ERI3: variants seen among roughly 807,000 people sequenced by gnomAD.
The protein encoded by ERI3 is ERI1 exoribonuclease 3.
Under a neutral mutation model 44.4 loss-of-function variants are expected in ERI3, and 18 were observed. The ratio of observed to expected loss-of-function variants is 0.41; its 90% CI spans 0.28 to 0.60. The LOEUF is 0.60. Ranked by LOEUF, ERI3 falls within the 20% of genes least tolerant of loss-of-function variation. The pLI, the probability that ERI3 is intolerant of heterozygous loss-of-function variation, is 0.36. For missense variants in ERI3, 294 were observed against 435.5 expected (o/e 0.68, Z 2.89); for synonymous variants, 183 against 164.8 (o/e 1.11, Z -0.84).
intron 6 of ERI3, among the ~76,000 whole-genome samples, chr1:44,287,414 G>A (rs1232390662): frequency 1.3e-5 from 2 of 152,226 alleles, no homozygotes; most frequent in Non-Finnish European, 2.9e-5. Flanking sequence ...TTGACAGATA[G>A]TAACAGAAAA....
intron 8 of ERI3, among the ~76,000 whole-genome samples, chr1:44,222,623 C>T (rs1471745279): frequency 6.6e-6 from 1 of 152,100 alleles, no homozygotes; most frequent in Non-Finnish European, 1.5e-5. Context: ...GGTGCACCTG[C>T]CCAGAGCTTA....
chr1:44,302,822 C>T (rs1286800626), intron 6 of ERI3, among the ~76,000 whole-genome samples: 3 of 152,190 alleles, frequency 2.0e-5, no homozygotes, highest in Admixed American at 6.5e-5. Context: ...ACAGGACTGT[C>T]GTTAAACACA....
At position 44,275,284 on chromosome 1, in the gene ERI3, A is replaced by C. The variant is rs367901911; in HGVS notation, c.831+9551T>G. Among the ~76,000 whole-genome samples, 13 of 152,194 alleles carry C rather than the reference A, an allele frequency of 8.5e-5. 1 individual carries two copies. The highest frequency in any genetic ancestry group is 2.9e-4 in the African/African-American group (12 of 41,522). ...TAGCAGCTTAATCCCCACAGCCCCC[A>C]AAAAGTGAACTGGCTAGCAGGGTTT... is the stretch of plus-strand genomic sequence containing the variant. On this transcript the variant is annotated intron_variant, in intron 7 of 8. Coordinates refer to ENST00000372257, the MANE Select transcript of ERI3 (RefSeq NM_024066.3).
chr1:44,329,951 C>A (rs1303666021), intron 3 of ERI3, among the ~76,000 whole-genome samples: 1 of 152,154 alleles, frequency 6.6e-6, no homozygotes, highest in Non-Finnish European at 1.5e-5. Context: ...CCTAGCACAC[C>A]TAAGGGTTAC....
At chr1:44,334,386 G>C (rs961251109) in intron 3 of ERI3, among the ~76,000 whole-genome samples, 2 of 152,062 alleles carry the variant, frequency 1.3e-5, no homozygotes, top group African/African-American at 4.8e-5. Context: ...ACCATCACTC[G>C]GTGCACATCC....
rs59509064 is a variant in ERI3, at chr1:44,241,805, CACATACATACATACAT to C, written c.931+6118_931+6133del. 127 of 175,434 alleles carry C rather than the reference CACATACATACATACAT, an allele frequency of 7.2e-4. No individual in the cohort carries two copies. The highest frequency in any genetic ancestry group is 3.0e-3 in the Middle Eastern group (1 of 336). The allele number at this position is 175,434 out of a possible 1,614,324, so 10.9% of individuals were successfully genotyped here. A position where few individuals can be genotyped will look rare whatever the true frequency, so the allele number is the denominator to read the frequency against. ...TTCCTAAAGAATCAAACACACATAA[CACATACATACATACAT>C]ACATACATACATACATACATACATA... On this transcript the variant is annotated intron_variant, in intron 8 of 8. Coordinates refer to ENST00000372257, the MANE Select transcript of ERI3 (RefSeq NM_024066.3). The surrounding 1 kb of genome is among the most constrained non-coding windows in gnomAD (Gnocchi z 5.6).
chr1:44,233,506 C>T (rs981275131), intron 8 of ERI3, among the ~76,000 whole-genome samples: 2 of 151,460 alleles, frequency 1.3e-5, no homozygotes, highest in Non-Finnish European at 2.9e-5. Flanking sequence ...CGGGTTCAAG[C>T]GATTCTCCTG....
At chr1:44,338,103 T>C (rs900274524) in intron 3 of ERI3, among the ~76,000 whole-genome samples, 1 of 152,230 alleles carries the variant, frequency 6.6e-6, no homozygotes. Context: ...TAAAAGGTCT[T>C]TGAACACAGC....
intron 3 of ERI3, among the ~76,000 whole-genome samples, chr1:44,337,488 G>C (rs1012226856): frequency 6.6e-6 from 1 of 152,214 alleles, no homozygotes; most frequent in Non-Finnish European, 1.5e-5. Context: ...CATGGAAGAA[G>C]ACTACAGTAT....
chr1:44,331,965 C>G (rs565523948), intron 3 of ERI3, among the ~76,000 whole-genome samples: 2 of 152,308 alleles, frequency 1.3e-5, no homozygotes, highest in South Asian at 4.1e-4. Flanking sequence ...TATCATACAG[C>G]CTAATGGTTG....
chr1:44,269,220 G>A (rs60413302), intron 7 of ERI3, among the ~76,000 whole-genome samples: 10,900 of 152,230 alleles, frequency 0.072, 1,307 homozygotes, highest in African/African-American at 0.25. Flanking sequence ...AAGAGGCCAA[G>A]AGACCACAAG....
chr1:44,318,024 C>G (rs148457395), intron 4 of ERI3, among the ~76,000 whole-genome samples: 17 of 152,316 alleles, frequency 1.1e-4, no homozygotes, highest in African/African-American at 4.1e-4. Context: ...ACTCCTACTC[C>G]CCTCCAAATT....
At chr1:44,343,528 A>C (rs1185018405) in intron 2 of ERI3, among the ~76,000 whole-genome samples, 1 of 152,218 alleles carries the variant, frequency 6.6e-6, no homozygotes, top group Non-Finnish European at 1.5e-5. Context: ...TAATTGAGAG[A>C]CAATCTAAAC....
In ERI3 at chr1:44,291,733, G is replaced by A. The variant is rs542201326; in HGVS notation, c.759-6826C>T. ...CAGACAGAGAGTCCCACACTGCTGCGCCTGAAACTGAGGATGCCATTGGCA... is the reference window on the plus strand; with the variant it reads ...CAGACAGAGAGTCCCACACTGCTGCACCTGAAACTGAGGATGCCATTGGCA... On this transcript the variant is annotated intron_variant, in intron 6 of 8. Transcript: ENST00000372257. 2.8e-4 allele frequency among the ~76,000 whole-genome samples: 43 copies of A among 152,318 alleles called. 1 individual carries two copies. The South Asian group carries it at 6.2e-3, about 22-fold the overall frequency.
At chr1:44,244,811 C>A (rs543706644) in intron 8 of ERI3, among the ~76,000 whole-genome samples, 32 of 152,228 alleles carry the variant, frequency 2.1e-4, no homozygotes, top group African/African-American at 7.5e-4. Flanking sequence ...AGCCCCTTCC[C>A]CACACCCGTC....
chr1:44,319,892 G>C (rs1205325264), intron 3 of ERI3, 148 bp from the exon 4 acceptor site: 2 of 640,910 alleles, frequency 3.1e-6, no homozygotes, highest in Admixed American at 5.0e-5. Context: ...CCAAGATTGA[G>C]TGAGACGGCA....
chr1:44,317,627 G>A (rs1395846182), intron 4 of ERI3, among the ~76,000 whole-genome samples: 1 of 152,118 alleles, frequency 6.6e-6, no homozygotes, highest in East Asian at 1.9e-4. Flanking sequence ...AGAACTTATA[G>A]TCTAGTGAAA....
intron 6 of ERI3, among the ~76,000 whole-genome samples, chr1:44,307,360 T>A (rs1645859419): frequency 6.6e-6 from 1 of 152,084 alleles, no homozygotes; most frequent in Non-Finnish European, 1.5e-5. Flanking sequence ...GCAGAGCTAC[T>A]ACACCACACC....
At chr1:44,258,101 C>T (rs1644816075) in intron 7 of ERI3, among the ~76,000 whole-genome samples, 1 of 152,162 alleles carries the variant, frequency 6.6e-6, no homozygotes, top group African/African-American at 2.4e-5. Context: ...AAGCAGAATT[C>T]TGTGTTTCAA....
Sources: gnomAD v4.1 joint callset for allele counts (sites outside exome capture counted in the v4.1 genomes callset) on GRCh38, gnomAD v4.1.1 for gene constraint, Gnocchi (gnomAD v3.1) non-coding constraint, MANE v1.5 for transcripts, NCBI Gene and HGNC (gene_info 2026-07-23, HGNC 2026-07-21) for gene names.